UBN2: variants seen among roughly 807,000 people sequenced by gnomAD.
The protein encoded by UBN2 is ubinuclein 2, also known as ubinuclein-2.
Under a neutral mutation model 120.2 loss-of-function variants are expected in UBN2, and 35 were observed. That is an observed-to-expected ratio of 0.29 (90% CI 0.22 to 0.39). The LOEUF (loss-of-function observed/expected upper bound fraction) is 0.39, where lower values mean the gene tolerates loss of function less well. UBN2 is among the 10% of genes least tolerant of loss of function. UBN2 has a pLI of 1.00. For synonymous variants in UBN2, 661 were observed against 648.7 expected (o/e 1.02, Z -0.29); for missense variants, 1,693 against 1,663.2 (o/e 1.02, Z -0.31).
downstream of UBN2, among the ~76,000 whole-genome samples, chr7:139,312,300 G>A (rs564677526): frequency 6.6e-6 from 1 of 152,282 alleles, no homozygotes; most frequent in East Asian, 1.9e-4. Flanking sequence ...CAATAGTACT[G>A]TGGTAGCCAT....
chr7:139,289,963 G>A (rs919767890), intron 15 of UBN2, among the ~76,000 whole-genome samples: 14 of 151,554 alleles, frequency 9.2e-5, no homozygotes, highest in African/African-American at 3.4e-4. Context: ...GCACAATCTC[G>A]GCTCACTGCA....
chr7:139,283,087 C>G lies in UBN2; in HGVS notation c.2182C>G (p.Pro728Ala), dbSNP rs748720519. ...TSLVASVSGP[P>A]TSSSTAAIAA... ...CCTGGTGGCTTCGGTTAGCGGTCCT[C>G]CAACGAGCTCCAGCACAGCTGCCAT... is the stretch of plus-strand genomic sequence containing the variant. The change falls in exon 15 of 18, where the codon CCA becomes GCA. Residue 728 changes from proline to alanine, a missense_variant. Physicochemically the swap from Pro to Ala is conservative, Grantham distance 27 (BLOSUM62 -1). This residue lies in a region of UBN2 where 837 missense variants were observed against 817.6 expected (regional missense o/e 1.02). Coordinates refer to ENST00000473989, the MANE Select transcript of UBN2 (RefSeq NM_173569.4). The G allele has an allele frequency of 3.7e-6, 6 of 1,613,026 alleles. No homozygotes were observed. Among genetic ancestry groups the G allele is most frequent in the South Asian group, 2.2e-5 (2 of 90,984 alleles).
intron 2 of UBN2, among the ~76,000 whole-genome samples, chr7:139,237,514 G>A (rs1796197613): frequency 6.6e-6 from 1 of 151,956 alleles, no homozygotes. Flanking sequence ...CAGGCTGGTC[G>A]TGAACTCCTG....
At chr7:139,262,242 G>T (rs1441075974) in intron 6 of UBN2, among the ~76,000 whole-genome samples, 1 of 151,936 alleles carries the variant, frequency 6.6e-6, no homozygotes, top group Non-Finnish European at 1.5e-5. Context: ...TGGGATTACA[G>T]GTGCGCACCA....
chr7:139,245,589 A>C (rs1452036685), intron 2 of UBN2, among the ~76,000 whole-genome samples: 2 of 152,214 alleles, frequency 1.3e-5, no homozygotes, highest in Non-Finnish European at 2.9e-5. Flanking sequence ...GCACTTCTAC[A>C]TATATCTGAT....
chr7:139,305,680 A>G lies in UBN2; in HGVS notation c.*7844A>G, dbSNP rs1013402223. ...AGTCAGGAATGCTTTTCAGAATCGC[A>G]GTAGTATTATTAGGGTCTCTGTGTC... On this transcript the variant is annotated 3_prime_UTR_variant, in exon 18 of 18. Coordinates refer to ENST00000473989, the MANE Select transcript of UBN2 (RefSeq NM_173569.4). 6.6e-6 allele frequency: 1 copy of G among 152,208 alleles called. No homozygotes were observed. The highest frequency in any genetic ancestry group is 6.5e-5 in the Admixed American group (1 of 15,286). The allele number at this position is 152,208 out of a possible 1,614,324, so 9.4% of individuals were successfully genotyped here.
At chr7:139,248,662 T>C (rs1183901776) in intron 2 of UBN2, among the ~76,000 whole-genome samples, 2 of 152,160 alleles carry the variant, frequency 1.3e-5, no homozygotes, top group Non-Finnish European at 2.9e-5. Context: ...CCCATAACTT[T>C]AAAAATATTT....
intron 5 of UBN2, among the ~76,000 whole-genome samples, chr7:139,260,633 T>C (rs1796900755): frequency 2.0e-5 from 3 of 152,154 alleles, no homozygotes; most frequent in Admixed American, 1.3e-4. Flanking sequence ...ATCCATAAGA[T>C]TGATGTCGGG....
chr7:139,325,782 C>T, the UBN2 span, among the ~76,000 whole-genome samples: 1 of 152,190 alleles, frequency 6.6e-6, no homozygotes, highest in Non-Finnish European at 1.5e-5. Context: ...CACAGTTTCG[C>T]TGGGCATAGT....
chr7:139,295,993 A>G (rs899487100), intron 17 of UBN2, among the ~76,000 whole-genome samples: 3 of 152,230 alleles, frequency 2.0e-5, no homozygotes, highest in Non-Finnish European at 4.4e-5. Context: ...CTTGAGGATC[A>G]GACTTGGATT....
At chr7:139,244,671 G>T (rs946921351) in intron 2 of UBN2, among the ~76,000 whole-genome samples, 3 of 151,906 alleles carry the variant, frequency 2.0e-5, no homozygotes, top group African/African-American at 7.3e-5. Context: ...TGTATTCTTT[G>T]AGCATTTTAT....
chr7:139,325,239 T>A, the UBN2 span, among the ~76,000 whole-genome samples: 35 of 145,894 alleles, frequency 2.4e-4, no homozygotes, highest in African/African-American at 8.3e-4. Flanking sequence ...GTACATAATA[T>A]AAAAAAGTTT....
chr7:139,241,461 T>C (rs1008346757), intron 2 of UBN2, among the ~76,000 whole-genome samples: 2 of 152,214 alleles, frequency 1.3e-5, no homozygotes, highest in Non-Finnish European at 2.9e-5. Context: ...CTGTGCTATA[T>C]AGACCTTGAA....
the UBN2 span, among the ~76,000 whole-genome samples, chr7:139,314,037 G>C: frequency 6.6e-6 from 1 of 151,000 alleles, no homozygotes; most frequent in Non-Finnish European, 1.5e-5. Flanking sequence ...TAGTAGAGAT[G>C]GGGTTTCACC....
chr7:139,250,255 CAG>C (rs2130956648), intron 2 of UBN2, among the ~76,000 whole-genome samples: 1 of 151,978 alleles, frequency 6.6e-6, no homozygotes, highest in African/African-American at 2.4e-5. Context: ...CTTTTGGAGA[CAG>C]AGTCTCGCTT....
chr7:139,269,570 T>C lies in UBN2; in HGVS notation c.1596+47T>C, dbSNP rs759508611. On this transcript the variant is annotated intron_variant, in intron 8 of 17. Transcript: ENST00000473989. ...TCTACATCTTGGGTTTCATAACCTG[T>C]AAAGATACTTGTTTCTGTTTGGGGC... is the stretch of plus-strand genomic sequence containing the variant. The C allele has an allele frequency of 3.1e-6, 5 of 1,596,940 alleles. No homozygotes were observed. The East Asian group carries it at 1.1e-4, about 36-fold the overall frequency.
intron 2 of UBN2, among the ~76,000 whole-genome samples, chr7:139,239,619 G>C (rs1035739850): frequency 2.8e-5 from 4 of 141,982 alleles, no homozygotes; most frequent in African/African-American, 1.1e-4. Context: ...GTGCAATGGC[G>C]CTATCTCGGC....
In UBN2 at chr7:139,307,967, C is replaced by A. The variant is rs1798391658; in HGVS notation, c.*10131C>A. 1 of 151,166 alleles carries A rather than the reference C, an allele frequency of 6.6e-6. No homozygotes were observed. The highest frequency in any genetic ancestry group is 2.4e-5 in the African/African-American group (1 of 41,164). 9.4% of individuals were successfully genotyped at this position (151,166 alleles called of 1,614,324 possible). On this transcript the variant is annotated 3_prime_UTR_variant, in exon 18 of 18. Transcript: ENST00000473989. ...GGGCATAAACATTCCTAAATATGGA[C>A]CTGTGAATTTAGTAAATTACCCCCA...
intron 15 of UBN2, among the ~76,000 whole-genome samples, chr7:139,287,960 G>A (rs888608912): frequency 1.3e-5 from 2 of 152,208 alleles, no homozygotes; most frequent in African/African-American, 4.8e-5. Context: ...AATGGCAAAA[G>A]TTAAACTCCT....
Sources: allele counts gnomAD v4.1 joint callset (sites outside exome capture counted in the v4.1 genomes callset), GRCh38; gene constraint gnomAD v4.1.1; regional missense constraint gnomAD v4.1.1; transcripts MANE v1.5; gene names NCBI Gene and HGNC (gene_info 2026-07-23, HGNC 2026-07-21).